Variants in GABRB1 observed in about 807,000 individuals in gnomAD.
GABRB1 encodes the protein gamma-aminobutyric acid receptor subunit beta-1.
Under a neutral mutation model 51.6 loss-of-function variants are expected in GABRB1, and 17 were observed. The ratio of observed to expected loss-of-function variants is 0.33; its 90% CI spans 0.23 to 0.49. GABRB1 has a LOEUF of 0.49. Among genes scored for constraint, GABRB1 ranks in the 20% least tolerant of loss-of-function variants. The pLI is 0.99. For missense variants in GABRB1, 410 were observed against 600.6 expected, an observed-to-expected ratio of 0.68 and a Z score of 3.32; for synonymous variants, 247 against 218.9, an observed-to-expected ratio of 1.13 and a Z score of -1.14.
chr4:47,329,411 ATGT>A (rs1408357274), intron 5 of GABRB1, among the ~76,000 whole-genome samples: 2 of 149,486 alleles, frequency 1.3e-5, no homozygotes, highest in Non-Finnish European at 3.0e-5. Context: ...ATATAATTTA[ATGT>A]AAAATACAGC....
intron 4 of GABRB1, among the ~76,000 whole-genome samples, chr4:47,222,861 T>C (rs1720813764): frequency 6.6e-6 from 1 of 152,172 alleles, no homozygotes; most frequent in African/African-American, 2.4e-5. Flanking sequence ...CAAAGAACTC[T>C]GCAGTTTCTT....
intron 4 of GABRB1, among the ~76,000 whole-genome samples, chr4:47,219,743 A>C (rs1277581939): frequency 6.6e-6 from 1 of 151,860 alleles, no homozygotes; most frequent in Non-Finnish European, 1.5e-5. Flanking sequence ...GAATTACCTT[A>C]TTTCCAAATT....
In GABRB1 at chr4:47,310,475, A is replaced by G. The variant is rs1724630280; in HGVS notation, c.462-9652A>G. On this transcript the variant is annotated intron_variant, in intron 4 of 8. Coordinates refer to ENST00000295454, the MANE Select transcript of GABRB1 (RefSeq NM_000812.4). ...ACTGATAACTAAATTAATACTAAAAATATGGTAAGGTAAACTTTTAATATT... is the reference window on the plus strand; with the variant it reads ...ACTGATAACTAAATTAATACTAAAAGTATGGTAAGGTAAACTTTTAATATT... Among the ~76,000 whole-genome samples the G allele has an allele frequency of 2.6e-5, 4 of 152,340 alleles. No individual in the cohort carries two copies. In the South Asian group the frequency reaches 8.3e-4, roughly 32 times the overall value.
intron 8 of GABRB1, among the ~76,000 whole-genome samples, chr4:47,413,480 G>C (rs533208816): frequency 4.0e-4 from 61 of 152,262 alleles, no homozygotes; most frequent in African/African-American, 1.3e-3. Flanking sequence ...AATGCAAACT[G>C]TGTGGTATTT....
At chr4:47,122,729 A>G (rs965839189) in intron 3 of GABRB1, among the ~76,000 whole-genome samples, 3 of 152,188 alleles carry the variant, frequency 2.0e-5, no homozygotes, top group Non-Finnish European at 2.9e-5. Flanking sequence ...CTGTCACAGG[A>G]CAAAACTGTC....
At chr4:47,147,685 T>C (rs1717234578) in intron 3 of GABRB1, among the ~76,000 whole-genome samples, 2 of 152,164 alleles carry the variant, frequency 1.3e-5, no homozygotes, top group Non-Finnish European at 2.9e-5. Flanking sequence ...TGTAGCTCCA[T>C]TTCCAATCTA....
At chr4:47,081,459 A>C (rs193160918) in intron 3 of GABRB1, among the ~76,000 whole-genome samples, 125 of 152,322 alleles carry the variant, frequency 8.2e-4, no homozygotes, top group African/African-American at 2.8e-3. Flanking sequence ...CAAATATCAA[A>C]TGCATACATT....
chr4:47,024,489 C>T (rs1217475636), intron 1 of GABRB1, among the ~76,000 whole-genome samples: 1 of 151,994 alleles, frequency 6.6e-6, no homozygotes, highest in Non-Finnish European at 1.5e-5. Context: ...GTAGCAGTGA[C>T]ATGCGACCGA....
At chr4:47,129,429 T>C (rs1716310470) in intron 3 of GABRB1, among the ~76,000 whole-genome samples, 1 of 152,166 alleles carries the variant, frequency 6.6e-6, no homozygotes, top group Non-Finnish European at 1.5e-5. Flanking sequence ...AATTTAGTCT[T>C]GTCAAATACA....
At chr4:47,342,667 T>C (rs1190913924) in intron 5 of GABRB1, among the ~76,000 whole-genome samples, 1 of 152,184 alleles carries the variant, frequency 6.6e-6, no homozygotes, top group Non-Finnish European at 1.5e-5. Context: ...TGAGGAATAG[T>C]TCTCCTGTAG....
chr4:47,327,810 C>G (rs561984683), intron 5 of GABRB1, among the ~76,000 whole-genome samples: 8 of 152,240 alleles, frequency 5.3e-5, no homozygotes, highest in Middle Eastern at 3.4e-3. Context: ...ATTTTCTTGT[C>G]TACAAAAATA....
chr4:47,024,120 T>C (rs1725013824), intron 1 of GABRB1, among the ~76,000 whole-genome samples: 1 of 151,996 alleles, frequency 6.6e-6, no homozygotes, highest in Non-Finnish European at 1.5e-5. Context: ...GTTTTTGTTG[T>C]TGTTTTTTGT....
At chr4:46,998,884 A>C (rs1186713464) in intron 1 of GABRB1, among the ~76,000 whole-genome samples, 1 of 152,214 alleles carries the variant, frequency 6.6e-6, no homozygotes, top group East Asian at 1.9e-4. Flanking sequence ...TTCTGAAATA[A>C]GCTCTCAGAA....
At chr4:47,060,761 A>G (rs988962781) in intron 3 of GABRB1, among the ~76,000 whole-genome samples, 1 of 152,310 alleles carries the variant, frequency 6.6e-6, no homozygotes, top group African/African-American at 2.4e-5. Context: ...GTATGAAAAT[A>G]GCCTTAAAAT....
At chr4:47,287,711 C>T (rs1348432860) in intron 4 of GABRB1, among the ~76,000 whole-genome samples, 6 of 152,178 alleles carry the variant, frequency 3.9e-5, no homozygotes, top group Admixed American at 3.9e-4. Context: ...TGTCATGTCT[C>T]GATCAGGTTT....
intron 3 of GABRB1, among the ~76,000 whole-genome samples, chr4:47,079,377 T>C (rs971365104): frequency 2.5e-4 from 38 of 152,226 alleles, no homozygotes; most frequent in Non-Finnish European, 1.0e-4. Flanking sequence ...CCATTTCTAC[T>C]AGATTTTCTA....
At chr4:47,365,992 A>G (rs1560353491) in intron 5 of GABRB1, among the ~76,000 whole-genome samples, 1 of 152,182 alleles carries the variant, frequency 6.6e-6, no homozygotes, top group Non-Finnish European at 1.5e-5. Context: ...ATTTATTCAC[A>G]TTGAGTGTGC....
intron 3 of GABRB1, among the ~76,000 whole-genome samples, chr4:47,142,299 T>G (rs1461922764): frequency 6.6e-6 from 1 of 151,830 alleles, no homozygotes; most frequent in East Asian, 1.9e-4. Context: ...AATGCCAAAA[T>G]ATGTATTTTG....
chr4:47,392,990 G>A (rs149033049), intron 5 of GABRB1, among the ~76,000 whole-genome samples: 88 of 152,306 alleles, frequency 5.8e-4, no homozygotes, highest in Middle Eastern at 3.4e-3. Context: ...TGAAACTGAG[G>A]TTGTGGCTAT....
Sources: gnomAD v4.1 joint callset for allele counts (sites outside exome capture counted in the v4.1 genomes callset) on GRCh38, gnomAD v4.1.1 for gene constraint, MANE v1.5 for transcripts, NCBI Gene and HGNC (gene_info 2026-07-23, HGNC 2026-07-21) for gene names.